Variants in CLNK observed in about 807,000 individuals in gnomAD.
CLNK encodes cytokine-dependent hematopoietic cell linker.
A neutral mutation model predicts 68.6 loss-of-function variants in CLNK; 74 were observed. The observed-to-expected ratio is 1.08, with a 90% confidence interval of 0.89 to 1.31. The LOEUF (loss-of-function observed/expected upper bound fraction) is 1.31. Among genes scored for constraint, CLNK ranks in the 50% most tolerant of loss-of-function variants. The pLI is 0.00. For missense variants in CLNK, 553 were observed against 515.3 expected, an observed-to-expected ratio of 1.07 and a Z score of -0.71; for synonymous variants, 198 against 172.2, an observed-to-expected ratio of 1.15 and a Z score of -1.17.
chr4:10,533,427 T>A (rs989645058), intron 11 of CLNK, among the ~76,000 whole-genome samples: 73 of 152,068 alleles, frequency 4.8e-4, no homozygotes, highest in Non-Finnish European at 4.6e-4. Context: ...AATATGGGAG[T>A]ATTAAGTGTG....
rs530372126 is a variant in CLNK, at chr4:10,625,229, C to T, written c.12-27180G>A. Among the ~76,000 whole-genome samples, 17 of 152,302 alleles carry T rather than the reference C, an allele frequency of 1.1e-4. No homozygotes were observed. The South Asian group carries it at 3.5e-3, about 32-fold the overall frequency. On this transcript the variant is annotated intron_variant, in intron 2 of 18. Coordinates refer to ENST00000226951, the MANE Select transcript of CLNK (RefSeq NM_052964.4). ...GATGGCTGGCAAGATTTGAGCCTTG[C>T]TGTGACAGGGAAACATTAGCCGATA... is the stretch of plus-strand genomic sequence containing the variant.
At chr4:10,613,397 G>A (rs924802097) in intron 2 of CLNK, among the ~76,000 whole-genome samples, 5 of 152,202 alleles carry the variant, frequency 3.3e-5, no homozygotes, top group African/African-American at 1.2e-4. Context: ...CTAAGTAGTT[G>A]AATCAAGGTA....
At chr4:10,716,254 G>T in the CLNK span, among the ~76,000 whole-genome samples, 1 of 152,100 alleles carries the variant, frequency 6.6e-6, no homozygotes, top group Non-Finnish European at 1.5e-5. Context: ...TGAGGTTGAG[G>T]ATTCTGATAG....
intron 15 of CLNK, among the ~76,000 whole-genome samples, chr4:10,517,014 A>C (rs1418317034): frequency 1.3e-5 from 2 of 152,220 alleles, no homozygotes; most frequent in Non-Finnish European, 2.9e-5. Context: ...AATAGGAATA[A>C]AACTAGAGCC....
At chr4:10,516,958 C>T (rs1717865471) in intron 15 of CLNK, among the ~76,000 whole-genome samples, 1 of 152,070 alleles carries the variant, frequency 6.6e-6, no homozygotes. Context: ...TTTAAATTAC[C>T]TTAATTATGG....
intron 2 of CLNK, among the ~76,000 whole-genome samples, chr4:10,635,357 G>A (rs1406197118): frequency 2.0e-5 from 3 of 152,124 alleles, no homozygotes; most frequent in Non-Finnish European, 2.9e-5. Context: ...AGATTGCCCC[G>A]TTTCCTACGG....
intron 2 of CLNK, among the ~76,000 whole-genome samples, chr4:10,652,419 CTGTT>C (rs1039886358): frequency 7.1e-6 from 1 of 140,696 alleles, no homozygotes; most frequent in African/African-American, 2.6e-5. Flanking sequence ...AAAAAGACAT[CTGTT>C]TCACTAGATT....
At chr4:10,560,709 G>A (rs760869390) in intron 7 of CLNK, among the ~76,000 whole-genome samples, 2 of 152,200 alleles carry the variant, frequency 1.3e-5, no homozygotes, top group African/African-American at 2.4e-5. Flanking sequence ...CTCCCAAAAC[G>A]TGGGGACTAC....
chr4:10,632,857 C>T (rs1175430604), intron 2 of CLNK, among the ~76,000 whole-genome samples: 1 of 152,192 alleles, frequency 6.6e-6, no homozygotes, highest in African/African-American at 2.4e-5. Context: ...TTTAAAAATA[C>T]CTCAAAATTG....
chr4:10,490,378 C>G lies in CLNK; in HGVS notation c.*89G>C. 2 of 1,387,982 alleles carry G rather than the reference C, an allele frequency of 1.4e-6. No homozygotes were observed. Among genetic ancestry groups the G allele is most frequent in the Admixed American group, 5.2e-5 (2 of 38,218 alleles). 86.0% of individuals were successfully genotyped at this position (1,387,982 alleles called of 1,614,324 possible). On this transcript the variant is annotated 3_prime_UTR_variant, in exon 19 of 19. Coordinates refer to ENST00000226951, the MANE Select transcript of CLNK (RefSeq NM_052964.4). The stretch of plus-strand genomic sequence containing the variant: ...TTTCTCCAAAGTTAAAAAAGTTGTC[C>G]CTTGAAGGCACAGAAAATAAACTTT...
chr4:10,697,608 G>T, the CLNK span: 3 of 152,186 alleles, frequency 2.0e-5, no homozygotes, highest in Non-Finnish European at 4.4e-5. Flanking sequence ...AAGTTCAGCA[G>T]TCCAACAAGA....
chr4:10,705,154 C>T, the CLNK span, among the ~76,000 whole-genome samples: 1 of 152,164 alleles, frequency 6.6e-6, no homozygotes, highest in Non-Finnish European at 1.5e-5. Flanking sequence ...ATGTAAAACA[C>T]TCTTTGGGAA....
chr4:10,687,916 C>T (rs1047847994), upstream of CLNK, among the ~76,000 whole-genome samples: 1 of 152,142 alleles, frequency 6.6e-6, no homozygotes, highest in Admixed American at 6.6e-5. Context: ...TGAGTCTTAA[C>T]AAGAAGTATA....
chr4:10,599,161 G>C (rs1721493634), intron 2 of CLNK, among the ~76,000 whole-genome samples: 1 of 152,152 alleles, frequency 6.6e-6, no homozygotes, highest in African/African-American at 2.4e-5. Flanking sequence ...ATCTCCACTA[G>C]AGCAGAGATT....
rs563866816 is a variant in CLNK, at chr4:10,516,205, T to C, written c.773-2608A>G. Among the ~76,000 whole-genome samples, 5 of 152,148 alleles carry C rather than the reference T, an allele frequency of 3.3e-5. No individual in the cohort carries two copies. The South Asian group carries it at 1.0e-3, about 32-fold the overall frequency. On this transcript the variant is annotated intron_variant, in intron 15 of 18. Coordinates refer to ENST00000226951, the MANE Select transcript of CLNK (RefSeq NM_052964.4). ...ATAAAATCTTTAGGATATATAAACA[T>C]TATGTAAGTAAAATACTAGGCAAAA...
At chr4:10,612,665 G>A (rs1395161765) in intron 2 of CLNK, among the ~76,000 whole-genome samples, 1 of 152,136 alleles carries the variant, frequency 6.6e-6, no homozygotes, top group Non-Finnish European at 1.5e-5. Context: ...TACTGCCCTT[G>A]GTACACAGTT....
intron 2 of CLNK, among the ~76,000 whole-genome samples, chr4:10,656,191 C>T (rs1286454459): frequency 6.6e-6 from 1 of 151,842 alleles, no homozygotes; most frequent in African/African-American, 2.4e-5. Context: ...GAAAAGTTCG[C>T]TATGACTCAT....
intron 2 of CLNK, among the ~76,000 whole-genome samples, chr4:10,651,015 A>T (rs1160253228): frequency 6.6e-6 from 1 of 152,250 alleles, no homozygotes; most frequent in Non-Finnish European, 1.5e-5. Context: ...ATCTCACATC[A>T]GTGAGAATGG....
intron 2 of CLNK, among the ~76,000 whole-genome samples, chr4:10,661,900 A>T (rs1415542572): frequency 6.6e-6 from 1 of 152,200 alleles, no homozygotes; most frequent in Non-Finnish European, 1.5e-5. Context: ...TGCTAAGGAA[A>T]TTATAACCAT....
Sources: allele counts gnomAD v4.1 joint callset (sites outside exome capture counted in the v4.1 genomes callset), GRCh38; gene constraint gnomAD v4.1.1; transcripts MANE v1.5; gene names NCBI Gene and HGNC (gene_info 2026-07-23, HGNC 2026-07-21).